HERC2: variants seen among roughly 807,000 people sequenced by gnomAD.
The protein encoded by HERC2 is HECT and RLD domain containing E3 ubiquitin protein ligase 2.
Under a neutral mutation model 537.7 loss-of-function variants are expected in HERC2, and 102 were observed. The observed-to-expected ratio is 0.19, with a 90% CI of 0.16 to 0.22. HERC2 has a LOEUF of 0.22. HERC2 is among the 10% of genes least tolerant of loss of function. The probability of loss-of-function intolerance (pLI) is 1.00; values close to 1 mark genes in which losing one functional copy is unlikely to be tolerated. For synonymous variants in HERC2, 2,224 were observed against 2,466.2 expected (o/e 0.90, Z 2.91); for missense variants, 4,236 against 6,198.2 (o/e 0.68, Z 10.63).
At chr15:28,209,940 CTTTTTTTTTTTTTT>C (rs1164101918) in intron 44 of HERC2, among the ~76,000 whole-genome samples, 2 of 77,346 alleles carry the variant, frequency 2.6e-5, no homozygotes, top group African/African-American at 5.3e-5. Flanking sequence ...AATACATTAT[CTTTTTTTTTTTTTT>C]TTTTTTTTTT....
intron 31 of HERC2, 57 bp from the exon 32 acceptor site, chr15:28,229,904 C>T (rs1901650591): frequency 3.6e-6 from 3 of 823,244 alleles, no homozygotes; most frequent in South Asian, 1.6e-5. Context: ...ATAAACTGTG[C>T]TCTAAAAGTT....
intron 70 of HERC2, among the ~76,000 whole-genome samples, chr15:28,151,144 T>C (rs1034700716): frequency 6.6e-6 from 1 of 152,238 alleles, no homozygotes; most frequent in Non-Finnish European, 1.5e-5. Context: ...AGTATTGAAA[T>C]TATATCCTAA....
chr15:28,213,696 A>T lies in HERC2; in HGVS notation c.6786+46T>A, dbSNP rs1475600118. 18 of 1,612,476 alleles carry T rather than the reference A, an allele frequency of 1.1e-5. No homozygotes were observed. The Admixed American group carries it at 3.0e-4, about 27-fold the overall frequency. ...ATGCTGGTGCTCGGTTCTAGTGTAA[A>T]GTCAATTTCCCTTATCATGCAGTAA... On this transcript the variant is annotated intron_variant, in intron 42 of 92. Coordinates refer to ENST00000261609, the MANE Select transcript of HERC2 (RefSeq NM_004667.6).
At chr15:28,278,906 C>T (rs561857762) in intron 5 of HERC2, among the ~76,000 whole-genome samples, 1 of 152,268 alleles carries the variant, frequency 6.6e-6, no homozygotes, top group South Asian at 2.1e-4. Context: ...TTTACATAAG[C>T]CTTAAACATT....
At chr15:28,240,854 G>A (rs1903035585) in intron 23 of HERC2, among the ~76,000 whole-genome samples, 1 of 149,104 alleles carries the variant, frequency 6.7e-6, no homozygotes, top group African/African-American at 2.6e-5. Context: ...TGTAAAGAAC[G>A]GAGGTAGACC....
At position 28,177,613 on chromosome 15, in the gene HERC2, G is replaced by C. The variant is rs989151576; in HGVS notation, c.9164-104C>G. ...CTGGCATATAGCACACACTCAATGA[G>C]CGTGAGCTGAATAAATGAGTAACTC... On this transcript the variant is annotated intron_variant, in intron 59 of 92. Coordinates refer to ENST00000261609, the MANE Select transcript of HERC2 (RefSeq NM_004667.6). This position sits in a 1 kb window ranked among gnomAD's most constrained non-coding sequence, Gnocchi z 5.0. 1.1e-6 allele frequency: 1 copy of C among 930,602 alleles called. No homozygotes were observed. Among genetic ancestry groups the C allele is most frequent in the African/African-American group, 1.6e-5 (1 of 61,038 alleles). The allele number at this position is 930,602 out of a possible 1,614,324, so 57.6% of individuals were successfully genotyped here.
At chr15:28,243,320 A>C (rs1903319591) in intron 23 of HERC2, among the ~76,000 whole-genome samples, 1 of 152,252 alleles carries the variant, frequency 6.6e-6, no homozygotes, top group South Asian at 2.1e-4. Flanking sequence ...TTAAGGTGTA[A>C]AAGAAAATCT....
chr15:28,199,992 C>T (rs893055127), intron 48 of HERC2, among the ~76,000 whole-genome samples: 16 of 152,036 alleles, frequency 1.1e-4, no homozygotes, highest in African/African-American at 3.9e-4. Flanking sequence ...TTCATGAAGT[C>T]CCAACTCCTA....
chr15:28,133,891 T>A (rs1358209785), intron 79 of HERC2, among the ~76,000 whole-genome samples: 3 of 152,240 alleles, frequency 2.0e-5, no homozygotes, highest in Non-Finnish European at 1.5e-5. Flanking sequence ...TTACTGCAGC[T>A]ATAAATGAGG....
At chr15:28,136,526 G>A (rs1371679280) in intron 78 of HERC2, among the ~76,000 whole-genome samples, 1 of 152,212 alleles carries the variant, frequency 6.6e-6, no homozygotes, top group Non-Finnish European at 1.5e-5. Flanking sequence ...CTCAGTGACT[G>A]TGAATAAGAA....
At chr15:28,225,915 T>C (rs532321897) in intron 35 of HERC2, among the ~76,000 whole-genome samples, 2 of 152,114 alleles carry the variant, frequency 1.3e-5, no homozygotes, top group Non-Finnish European at 1.5e-5. Context: ...AAAATCTGAA[T>C]AGACCCGTAA....
intron 56 of HERC2, 100 bp downstream of exon 56, chr15:28,186,477 C>G (rs1268585514): frequency 1.1e-6 from 1 of 875,374 alleles, no homozygotes; most frequent in Non-Finnish European, 1.7e-6. Context: ...TAAAATGACT[C>G]TCAGTATGAG....
At chr15:28,139,992 C>T (rs1455728534) in intron 78 of HERC2, among the ~76,000 whole-genome samples, 2 of 151,258 alleles carry the variant, frequency 1.3e-5, no homozygotes, top group African/African-American at 4.9e-5. Flanking sequence ...CGCTTGAACC[C>T]AGGAGGCAGA....
Position 28,163,414 on chromosome 15 carries a change from C to T in HERC2, c.10555-129G>A, listed in dbSNP as rs1893813813. The T allele has an allele frequency of 2.6e-5, 20 of 762,248 alleles. No individual in the cohort carries two copies. In the South Asian group the frequency reaches 3.3e-4, roughly 12 times the overall value. The allele number at this position is 762,248 out of a possible 1,614,324, so 47.2% of individuals were successfully genotyped here. On this transcript the variant is annotated intron_variant, in intron 68 of 92. Coordinates refer to ENST00000261609, the MANE Select transcript of HERC2 (RefSeq NM_004667.6). ...GTAAGAAACCTGAAGGTGTTTAAGA[C>T]CTTAAGAAACAGATTAAGAAACGAC...
At chr15:28,233,088 A>G (rs1902048728) in intron 30 of HERC2, 58 bp downstream of exon 30, 1 of 1,330,172 alleles carries the variant, frequency 7.5e-7, no homozygotes, top group East Asian at 2.3e-5. Context: ...TCACAGATCC[A>G]ATGTGGCAGG....
intron 25 of HERC2, among the ~76,000 whole-genome samples, chr15:28,237,448 A>T (rs1779570097): frequency 6.6e-6 from 1 of 152,246 alleles, no homozygotes; most frequent in African/African-American, 2.4e-5. Flanking sequence ...GAATTGTTAC[A>T]TGCATAAAGA....
intron 9 of HERC2, 72 bp downstream of exon 9, chr15:28,272,143 C>T: frequency 7.5e-7 from 1 of 1,338,506 alleles, no homozygotes; most frequent in Non-Finnish European, 1.0e-6. Context: ...CGTTGACATG[C>T]ATGCTAGTCT....
Position 28,265,987 on chromosome 15 carries a change from G to A in HERC2, c.1599-13C>T. On this transcript the variant is annotated splice_polypyrimidine_tract_variant and intron_variant, in intron 12 of 92. Coordinates refer to ENST00000261609, the MANE Select transcript of HERC2 (RefSeq NM_004667.6). The surrounding 1 kb of genome is among the most constrained non-coding windows in gnomAD (Gnocchi z 4.0). The stretch of plus-strand genomic sequence containing the variant: ...CTCCTCCAAAGGCCTTGGGGAGAAA[G>A]GGAACAAACATGAATGCCCTTCTTC... 1 of 1,613,032 alleles carries A rather than the reference G, an allele frequency of 6.2e-7. No individual in the cohort carries two copies. The highest frequency in any genetic ancestry group is 1.1e-5 in the South Asian group (1 of 90,966).
intron 37 of HERC2, among the ~76,000 whole-genome samples, chr15:28,219,611 G>C (rs919768711): frequency 6.6e-6 from 1 of 152,198 alleles, no homozygotes; most frequent in African/African-American, 2.4e-5. Flanking sequence ...ATCAGGATCT[G>C]AGCTGTGTGC....
Sources: allele counts gnomAD v4.1 joint callset (sites outside exome capture counted in the v4.1 genomes callset), GRCh38; gene constraint gnomAD v4.1.1; non-coding constraint Gnocchi (gnomAD v3.1); transcripts MANE v1.5; gene names NCBI Gene and HGNC (gene_info 2026-07-23, HGNC 2026-07-21).